The following CTNNA3 variants were observed in gnomAD, a reference collection of about 807,000 sequenced individuals.
CTNNA3 encodes catenin alpha-3.
In CTNNA3, 76 loss-of-function variants were observed where a neutral mutation model predicts 95.7. The ratio of observed to expected loss-of-function variants is 0.79; its 90% CI spans 0.66 to 0.96. CTNNA3 has a LOEUF of 0.96. Ranked by LOEUF, CTNNA3 falls within the 40% of genes least tolerant of loss-of-function variation. The pLI, the probability that CTNNA3 is intolerant of heterozygous loss-of-function variation, is 0.00. For missense variants in CTNNA3, 1,191 were observed against 1,089.8 expected (o/e 1.09, Z -1.31); for synonymous variants, 431 against 374.4 (o/e 1.15, Z -1.74).
intron 16 of CTNNA3, among the ~76,000 whole-genome samples, chr10:65,971,689 C>A (rs1370637845): frequency 1.3e-5 from 2 of 151,700 alleles, no homozygotes; most frequent in African/African-American, 2.4e-5. Flanking sequence ...ACACCCACCA[C>A]CAACAACAAC....
chr10:66,321,748 T>TA (rs1253487335), intron 12 of CTNNA3, among the ~76,000 whole-genome samples: 4 of 152,156 alleles, frequency 2.6e-5, no homozygotes, highest in Admixed American at 2.6e-4. Context: ...CAATAAACTT[T>TA]AAAAAATTCT....
chr10:67,219,116 G>T (rs550326294), intron 6 of CTNNA3, among the ~76,000 whole-genome samples: 87 of 152,104 alleles, frequency 5.7e-4, no homozygotes, highest in Non-Finnish European at 1.1e-3. Flanking sequence ...CCCGATTCCT[G>T]AACTCTTTCA....
intron 12 of CTNNA3, among the ~76,000 whole-genome samples, chr10:66,365,866 C>G (rs1402081275): frequency 6.6e-6 from 1 of 151,900 alleles, no homozygotes; most frequent in Non-Finnish European, 1.5e-5. Context: ...GGAACTGAAG[C>G]CTCCTGCCAA....
At chr10:66,706,962 T>C (rs1848138654) in intron 9 of CTNNA3, among the ~76,000 whole-genome samples, 1 of 152,040 alleles carries the variant, frequency 6.6e-6, no homozygotes, top group East Asian at 1.9e-4. Context: ...CAAAACACTA[T>C]AATGTGTACA....
chr10:66,456,837 T>C (rs2093498016), intron 11 of CTNNA3, among the ~76,000 whole-genome samples: 1 of 152,138 alleles, frequency 6.6e-6, no homozygotes, highest in African/African-American at 2.4e-5. Context: ...CTCATGTCTG[T>C]AATCCTAGCA....
intron 5 of CTNNA3, among the ~76,000 whole-genome samples, chr10:67,315,745 A>G (rs973722063): frequency 1.3e-5 from 2 of 152,136 alleles, no homozygotes; most frequent in African/African-American, 4.8e-5. Flanking sequence ...AATGTACTAA[A>G]TCAATGTATA....
chr10:66,363,385 G>C (rs1411859903), intron 12 of CTNNA3, among the ~76,000 whole-genome samples: 1 of 152,134 alleles, frequency 6.6e-6, no homozygotes, highest in Non-Finnish European at 1.5e-5. Context: ...CCCTTATAAG[G>C]AGAGACATTA....
intron 17 of CTNNA3, among the ~76,000 whole-genome samples, chr10:65,935,719 T>A (rs1277338700): frequency 6.6e-6 from 1 of 152,138 alleles, no homozygotes; most frequent in Non-Finnish European, 1.5e-5. Flanking sequence ...TGTGTGTAAT[T>A]TTTCTTCTTT....
At chr10:67,519,063 T>C (rs947025536) in intron 5 of CTNNA3, among the ~76,000 whole-genome samples, 3 of 152,112 alleles carry the variant, frequency 2.0e-5, no homozygotes, top group African/African-American at 7.2e-5. Context: ...AGTAGGAAAA[T>C]GTAGAGATGT....
At chr10:65,998,191 G>A (rs74447163) in intron 15 of CTNNA3, among the ~76,000 whole-genome samples, 18,715 of 152,068 alleles carry the variant, frequency 0.12, 1,247 homozygotes, top group East Asian at 0.2. Context: ...ATTTGTTTCC[G>A]GAGTGAGTGA....
At chr10:66,816,191 G>GAA (rs1564701361) in intron 7 of CTNNA3, among the ~76,000 whole-genome samples, 2 of 151,836 alleles carry the variant, frequency 1.3e-5, no homozygotes, top group Non-Finnish European at 2.9e-5. Flanking sequence ...ACATAACTCT[G>GAA]AAAATATAGT....
At chr10:67,302,713 T>G (rs923953274) in intron 5 of CTNNA3, among the ~76,000 whole-genome samples, 1 of 152,222 alleles carries the variant, frequency 6.6e-6, no homozygotes, top group Non-Finnish European at 1.5e-5. Context: ...AAACTGCCCA[T>G]GTCCCATTTT....
chr10:66,122,483 G>C (rs1385456454), intron 13 of CTNNA3, among the ~76,000 whole-genome samples: 1 of 152,170 alleles, frequency 6.6e-6, no homozygotes, highest in Admixed American at 6.5e-5. Context: ...ACTATAGATA[G>C]ATGAACCTCA....
At chr10:67,593,507 AC>A (rs1282723319) in intron 3 of CTNNA3, among the ~76,000 whole-genome samples, 1 of 151,854 alleles carries the variant, frequency 6.6e-6, no homozygotes, top group Admixed American at 6.6e-5. Flanking sequence ...GGTATTTTGT[AC>A]TTTTTGTGGC....
intron 1 of CTNNA3, among the ~76,000 whole-genome samples, chr10:67,661,168 G>T (rs975386266): frequency 1.3e-5 from 2 of 151,218 alleles, no homozygotes; most frequent in African/African-American, 4.9e-5. Context: ...CAGTTTTTAG[G>T]ACTCTACCAC....
At chr10:67,083,600 A>G (rs1319822127) in intron 7 of CTNNA3, among the ~76,000 whole-genome samples, 1 of 152,200 alleles carries the variant, frequency 6.6e-6, no homozygotes, top group African/African-American at 2.4e-5. Context: ...GCTAAGAATT[A>G]TTCAGATACT....
chr10:66,224,295 T>A (rs2089141481), intron 13 of CTNNA3, among the ~76,000 whole-genome samples: 1 of 152,168 alleles, frequency 6.6e-6, no homozygotes. Flanking sequence ...GAACTCTGAC[T>A]AATACAAGTA....
At chr10:66,971,380 C>A (rs1350880285) in intron 7 of CTNNA3, among the ~76,000 whole-genome samples, 1 of 151,898 alleles carries the variant, frequency 6.6e-6, no homozygotes, top group Non-Finnish European at 1.5e-5. Flanking sequence ...GAGCCGAGAT[C>A]GTGCCACTGC....
intron 5 of CTNNA3, among the ~76,000 whole-genome samples, chr10:67,426,974 T>A (rs1159841437): frequency 6.6e-6 from 1 of 152,094 alleles, no homozygotes; most frequent in African/African-American, 2.4e-5. Flanking sequence ...AAGAGACAGT[T>A]AACTTAATTT....
Sources: gnomAD v4.1 joint callset for allele counts (sites outside exome capture counted in the v4.1 genomes callset) on GRCh38, gnomAD v4.1.1 for gene constraint, MANE v1.5 for transcripts, NCBI Gene and HGNC (gene_info 2026-07-23, HGNC 2026-07-21) for gene names.